Variants in CAMK1G observed in about 807,000 individuals in gnomAD.
CAMK1G encodes the protein calcium/calmodulin-dependent protein kinase type 1G.
CAMK1G carries 27 observed loss-of-function variants against 54.8 expected under a neutral mutation model. That is an observed-to-expected ratio of 0.49 (90% CI 0.36 to 0.68). CAMK1G has a LOEUF of 0.68. Among genes scored for constraint, CAMK1G ranks in the 30% least tolerant of loss-of-function variants. The pLI, the probability that CAMK1G is intolerant of heterozygous loss-of-function variation, is 0.00. For missense variants in CAMK1G, 512 were observed against 591.0 expected (o/e 0.87, Z 1.39); for synonymous variants, 238 against 224.9 (o/e 1.06, Z -0.52).
chr1:209,606,702 T>C (rs551840862), intron 6 of CAMK1G, among the ~76,000 whole-genome samples: 2 of 152,302 alleles, frequency 1.3e-5, no homozygotes, highest in South Asian at 2.1e-4. Context: ...CTCTCATTTC[T>C]GCGGATAGAC....
In CAMK1G at chr1:209,592,650, C is replaced by T. The variant is rs1408925289; in HGVS notation, c.-29-2305C>T. The stretch of plus-strand genomic sequence containing the variant: ...ATGTCACCTGTCTCCCAATTCCTGA[C>T]CAGATGCTCTACTCCAAGAGAGCGA... On this transcript the variant is annotated intron_variant, in intron 1 of 12. Coordinates refer to ENST00000361322, the MANE Select transcript of CAMK1G (RefSeq NM_020439.3). 8.5e-5 allele frequency among the ~76,000 whole-genome samples: 13 copies of T among 152,334 alleles called. No individual in the cohort carries two copies. In the East Asian group the frequency reaches 2.5e-3, roughly 29 times the overall value.
At chr1:209,599,501 C>G (rs186307493) in intron 2 of CAMK1G, among the ~76,000 whole-genome samples, 1 of 152,126 alleles carries the variant, frequency 6.6e-6, no homozygotes, top group Non-Finnish European at 1.5e-5. Flanking sequence ...ATCTCCCAAG[C>G]GTTAGTTGTG....
chr1:209,602,561 G>A (rs1422519732), intron 3 of CAMK1G, among the ~76,000 whole-genome samples: 1 of 152,152 alleles, frequency 6.6e-6, no homozygotes, highest in Non-Finnish European at 1.5e-5. Flanking sequence ...GCATTGACAG[G>A]ATGCCACAAA....
intron 2 of CAMK1G, among the ~76,000 whole-genome samples, chr1:209,597,076 T>C (rs1665408548): frequency 6.6e-6 from 1 of 152,174 alleles, no homozygotes; most frequent in Non-Finnish European, 1.5e-5. Context: ...ATCTCAGTGG[T>C]GCTCAGGATG....
At chr1:209,599,936 G>A in intron 2 of CAMK1G, 47 bp from the exon 3 acceptor site, 1 of 1,606,304 alleles carries the variant, frequency 6.2e-7, no homozygotes, top group Non-Finnish European at 8.5e-7. Flanking sequence ...GGAAGTGTAA[G>A]ATGTCTGCCC....
chr1:209,589,953 T>C (rs1665204045), intron 1 of CAMK1G, among the ~76,000 whole-genome samples: 1 of 152,216 alleles, frequency 6.6e-6, no homozygotes, highest in Non-Finnish European at 1.5e-5. Context: ...AGAATCTTGC[T>C]GTGCTGAGGT....
At chr1:209,585,819 G>T (rs1211589900) in intron 1 of CAMK1G, among the ~76,000 whole-genome samples, 1 of 152,250 alleles carries the variant, frequency 6.6e-6, no homozygotes, top group Non-Finnish European at 1.5e-5. Context: ...GCCGCAGCCT[G>T]CCAGCGCCAG....
At chr1:209,598,150 G>A (rs749563824) in intron 2 of CAMK1G, among the ~76,000 whole-genome samples, 1 of 152,174 alleles carries the variant, frequency 6.6e-6, no homozygotes, top group African/African-American at 2.4e-5. Flanking sequence ...CTGATCTCCA[G>A]AGGACCCCCT....
chr1:209,591,095 T>C (rs1034931007), intron 1 of CAMK1G, among the ~76,000 whole-genome samples: 9 of 151,052 alleles, frequency 6.0e-5, no homozygotes, highest in African/African-American at 2.2e-4. Context: ...CCGACTCTTA[T>C]ATTCTATCTT....
chr1:209,603,221 C>T lies in CAMK1G; in HGVS notation c.229C>T (p.His77Tyr). ...NEIAVLKKIK[H>Y]ENIVTLEDIY... ...GCACTTTATTTTTCCCAGGATCAAG[C>T]ATGAAAACATTGTGACCCTGGAGGA... Residue 77 changes from histidine (H) to tyrosine (Y), a missense_variant, in exon 4 of 13, where the codon CAT becomes TAT. His to Tyr is a moderately conservative substitution (Grantham distance 83). This residue lies in a region of CAMK1G where 186 missense variants were observed against 231.5 expected (regional missense o/e 0.80). Transcript: ENST00000361322. 6.2e-7 allele frequency: 1 copy of T among 1,614,046 alleles called. No homozygotes were observed. The highest frequency in any genetic ancestry group is 8.5e-7 in the Non-Finnish European group (1 of 1,179,940).
chr1:209,602,409 A>G (rs572499440), intron 3 of CAMK1G, among the ~76,000 whole-genome samples: 15 of 152,334 alleles, frequency 9.8e-5, no homozygotes, highest in African/African-American at 3.6e-4. Context: ...GCTTCTCGCA[A>G]TATCTTGGAA....
intron 9 of CAMK1G, 92 bp from the exon 10 acceptor site, chr1:209,611,373 A>C (rs1418270799): frequency 2.7e-6 from 3 of 1,104,576 alleles, no homozygotes; most frequent in Non-Finnish European, 4.1e-6. Context: ...CACTCTACCC[A>C]GCTCTCACCT....
chr1:209,601,577 G>C (rs1413882610), intron 3 of CAMK1G, among the ~76,000 whole-genome samples: 1 of 152,192 alleles, frequency 6.6e-6, no homozygotes, highest in African/African-American at 2.4e-5. Context: ...AACTAATTGA[G>C]AGCAAGGACC....
chr1:209,587,396 C>T (rs987563227), intron 1 of CAMK1G, among the ~76,000 whole-genome samples: 1 of 152,122 alleles, frequency 6.6e-6, no homozygotes, highest in African/African-American at 2.4e-5. Flanking sequence ...CCCCGGCACA[C>T]TAATATTAGT....
intron 3 of CAMK1G, 67 bp downstream of exon 3, chr1:209,600,178 A>G (rs901472742): frequency 1.9e-6 from 3 of 1,567,368 alleles, no homozygotes; most frequent in Non-Finnish European, 2.6e-6. Flanking sequence ...AATTACCTTC[A>G]AAAAGGACTA....
At chr1:209,585,923 T>C (rs1272725690) in intron 1 of CAMK1G, among the ~76,000 whole-genome samples, 4 of 152,170 alleles carry the variant, frequency 2.6e-5, no homozygotes, top group Non-Finnish European at 5.9e-5. Context: ...GCCGCCACGG[T>C]CAATGGCGAG....
At chr1:209,596,960 G>C (rs577663440) in intron 2 of CAMK1G, among the ~76,000 whole-genome samples, 4 of 152,276 alleles carry the variant, frequency 2.6e-5, no homozygotes, top group African/African-American at 9.6e-5. Flanking sequence ...AGTGCTTCTG[G>C]TGTTCTAATG....
At position 209,600,018 on chromosome 1, in the gene CAMK1G, G is replaced by T; in HGVS notation, c.128G>T (p.Arg43Ile). The change falls in exon 3 of 13, where the codon AGA becomes ATA. Residue 43 changes from arginine to isoleucine, a missense_variant. Arg to Ile is a moderately conservative substitution (Grantham distance 97). This residue lies in a region of CAMK1G where 186 missense variants were observed against 231.5 expected (regional missense o/e 0.80). Coordinates refer to ENST00000361322, the MANE Select transcript of CAMK1G (RefSeq NM_020439.3). ...TCAGAAGTTTTCCTGGTGAAGCAAA[G>T]ACTGACTGGGAAGCTCTTTGCTCTG... Reference protein sequence around the residue: ...AFSEVFLVKQRLTGKLFALKC... With the variant: ...AFSEVFLVKQILTGKLFALKC... 1 of 1,613,838 alleles carries T rather than the reference G, an allele frequency of 6.2e-7. No homozygotes were observed. Among genetic ancestry groups the T allele is most frequent in the South Asian group, 1.1e-5 (1 of 91,064 alleles).
chr1:209,595,433 C>T (rs1475816794), intron 2 of CAMK1G, among the ~76,000 whole-genome samples: 1 of 152,078 alleles, frequency 6.6e-6, no homozygotes, highest in Non-Finnish European at 1.5e-5. Context: ...CAAAACAAAA[C>T]AAAATTGGAG....
Sources: gnomAD v4.1 joint callset for allele counts (sites outside exome capture counted in the v4.1 genomes callset) on GRCh38, gnomAD v4.1.1 for gene constraint, gnomAD v4.1.1 regional missense constraint, MANE v1.5 for transcripts, NCBI Gene and HGNC (gene_info 2026-07-23, HGNC 2026-07-21) for gene names.